SDK1: variants seen among roughly 807,000 people sequenced by gnomAD.
SDK1 encodes the protein sidekick cell adhesion molecule 1, also known as protein sidekick-1.
In SDK1, 157 loss-of-function variants were observed where a neutral mutation model predicts 245.5. That is an observed-to-expected ratio of 0.64 (90% CI 0.56 to 0.73). The LOEUF is 0.73. SDK1 is among the 30% of genes least tolerant of loss of function. The pLI is 0.00. For missense variants in SDK1, 3,583 were observed against 3,002.3 expected (o/e 1.19, Z -4.52); for synonymous variants, 1,647 against 1,278.5 (o/e 1.29, Z -6.15).
chr7:3,662,889 T>C (rs749621193), intron 4 of SDK1, among the ~76,000 whole-genome samples: 4 of 152,186 alleles, frequency 2.6e-5, no homozygotes, highest in Non-Finnish European at 5.9e-5. Flanking sequence ...GTATGCATTA[T>C]GCAGATACTT....
chr7:3,323,173 C>T (rs1024690480), intron 1 of SDK1, among the ~76,000 whole-genome samples: 3 of 152,066 alleles, frequency 2.0e-5, no homozygotes, highest in African/African-American at 7.2e-5. Context: ...CCCACTCGAC[C>T]GAGGGCCAGG....
At position 3,826,010 on chromosome 7, in the gene SDK1, A is replaced by G. The variant is rs1779765563; in HGVS notation, c.847+4427A>G. The stretch of plus-strand genomic sequence containing the variant: ...ACTTTACTGCCAGAATTTTTCAGAA[A>G]CATAAATAGGAAGTCTATTTTATAG... On this transcript the variant is annotated intron_variant, in intron 5 of 44. Coordinates refer to ENST00000404826, the MANE Select transcript of SDK1 (RefSeq NM_152744.4). Among the ~76,000 whole-genome samples, 4 of 152,250 alleles carry G rather than the reference A, an allele frequency of 2.6e-5. No individual in the cohort carries two copies. In the South Asian group the frequency reaches 8.3e-4, roughly 31 times the overall value.
At chr7:3,553,557 A>G (rs1026265151) in intron 1 of SDK1, among the ~76,000 whole-genome samples, 6 of 152,188 alleles carry the variant, frequency 3.9e-5, no homozygotes, top group African/African-American at 1.4e-4. Flanking sequence ...CCTCTGAACT[A>G]GCAACCGAGA....
chr7:3,463,583 C>A (rs1583894644), intron 1 of SDK1, among the ~76,000 whole-genome samples: 1 of 150,502 alleles, frequency 6.6e-6, no homozygotes, highest in East Asian at 1.9e-4. Context: ...GGGATCATGG[C>A]TTTCACTACT....
intron 30 of SDK1, among the ~76,000 whole-genome samples, chr7:4,151,903 G>A (rs1393075747): frequency 6.6e-6 from 1 of 152,222 alleles, no homozygotes; most frequent in Non-Finnish European, 1.5e-5. Flanking sequence ...CAGAGGTCAA[G>A]GCTCCATAGA....
intron 4 of SDK1, among the ~76,000 whole-genome samples, chr7:3,785,669 T>C (rs1780879942): frequency 1.3e-5 from 2 of 152,052 alleles, no homozygotes; most frequent in African/African-American, 2.4e-5. Context: ...TTTGAACATA[T>C]CTGGTAAATT....
chr7:4,186,853 G>C (rs570382498), intron 35 of SDK1, among the ~76,000 whole-genome samples: 1 of 152,116 alleles, frequency 6.6e-6, no homozygotes, highest in African/African-American at 2.4e-5. Flanking sequence ...GGAGGAAGGC[G>C]CCCCTCCTAG....
At chr7:4,004,769 A>G (rs1785332763) in intron 14 of SDK1, among the ~76,000 whole-genome samples, 1 of 152,224 alleles carries the variant, frequency 6.6e-6, no homozygotes, top group Non-Finnish European at 1.5e-5. Flanking sequence ...AACAAAATTA[A>G]TAGTAGTCAT....
intron 14 of SDK1, among the ~76,000 whole-genome samples, chr7:3,991,258 G>T (rs1784292916): frequency 6.6e-6 from 1 of 152,164 alleles, no homozygotes; most frequent in African/African-American, 2.4e-5. Context: ...AACTGCCCGT[G>T]AGATGGGGCT....
intron 4 of SDK1, among the ~76,000 whole-genome samples, chr7:3,813,098 T>TTTTA (rs898422143): frequency 1.8e-4 from 28 of 152,174 alleles, no homozygotes; most frequent in East Asian, 9.7e-4. Flanking sequence ...GCAATTTTAT[T>TTTTA]TTTATTTATT....
chr7:4,067,054 T>A (rs1277609049), intron 19 of SDK1, among the ~76,000 whole-genome samples: 2 of 152,222 alleles, frequency 1.3e-5, no homozygotes, highest in African/African-American at 4.8e-5. Context: ...GCCCGGGACA[T>A]CCTCGTGTTT....
chr7:3,515,391 C>T (rs1782713710), intron 1 of SDK1, among the ~76,000 whole-genome samples: 1 of 152,176 alleles, frequency 6.6e-6, no homozygotes, highest in African/African-American at 2.4e-5. Context: ...AATTGCTAAG[C>T]ACAGGTCCAT....
chr7:3,997,408 T>C (rs1197927823), intron 14 of SDK1, among the ~76,000 whole-genome samples: 1 of 152,050 alleles, frequency 6.6e-6, no homozygotes, highest in Non-Finnish European at 1.5e-5. Flanking sequence ...GAGTGGAATT[T>C]AGGTGTGTTA....
At chr7:4,146,127 C>G (rs1779957600) in intron 29 of SDK1, among the ~76,000 whole-genome samples, 1 of 143,088 alleles carries the variant, frequency 7.0e-6, no homozygotes, top group South Asian at 2.1e-4. Context: ...CAGCCTCACA[C>G]CTGCTCTCTC....
At chr7:3,890,792 A>C (rs917633175) in intron 5 of SDK1, among the ~76,000 whole-genome samples, 1 of 152,150 alleles carries the variant, frequency 6.6e-6, no homozygotes, top group African/African-American at 2.4e-5. Context: ...AAATACAAAA[A>C]TTAGCCAGGT....
chr7:3,739,471 T>C (rs1353611736), intron 4 of SDK1, among the ~76,000 whole-genome samples: 8 of 152,188 alleles, frequency 5.3e-5, no homozygotes, highest in African/African-American at 1.9e-4. Flanking sequence ...CTGAGACTCT[T>C]CCTTTTATTT....
At chr7:4,175,754 C>G (rs1370773435) in intron 33 of SDK1, 21 bp from the exon 34 acceptor site, 1 of 1,611,578 alleles carries the variant, frequency 6.2e-7, no homozygotes, top group African/African-American at 1.3e-5. Flanking sequence ...AACCACCTTT[C>G]TGCTTTGCTT....
intron 5 of SDK1, among the ~76,000 whole-genome samples, chr7:3,941,342 C>T (rs1352253397): frequency 6.6e-6 from 1 of 152,108 alleles, no homozygotes; most frequent in African/African-American, 2.4e-5. Context: ...GCAAGCCTGG[C>T]CATGGCTTTC....
intron 1 of SDK1, among the ~76,000 whole-genome samples, chr7:3,389,290 C>G (rs1351040155): frequency 1.3e-5 from 2 of 152,026 alleles, no homozygotes; most frequent in Non-Finnish European, 2.9e-5. Flanking sequence ...AGAGATTATC[C>G]TGGATTATCT....
Sources: allele counts gnomAD v4.1 joint callset (sites outside exome capture counted in the v4.1 genomes callset), GRCh38; gene constraint gnomAD v4.1.1; transcripts MANE v1.5; gene names NCBI Gene and HGNC (gene_info 2026-07-23, HGNC 2026-07-21).